TMEM232: variants seen among roughly 807,000 people sequenced by gnomAD.
TMEM232 encodes the protein transmembrane protein 232.
TMEM232 carries 80 observed loss-of-function variants against 78.8 expected under a neutral mutation model. The observed-to-expected ratio is 1.01, with a 90% confidence interval of 0.85 to 1.22. TMEM232 has a LOEUF of 1.22. Among genes scored for constraint, TMEM232 ranks in the 50% most tolerant of loss-of-function variants. The pLI, the probability that TMEM232 is intolerant of heterozygous loss-of-function variation, is 0.00. For synonymous variants in TMEM232, 297 were observed against 254.3 expected, an observed-to-expected ratio of 1.17 and a Z score of -1.60; for missense variants, 881 against 742.2, an observed-to-expected ratio of 1.19 and a Z score of -2.17.
At chr5:110,687,668 A>C (rs1370550693) in intron 1 of TMEM232, among the ~76,000 whole-genome samples, 1 of 151,914 alleles carries the variant, frequency 6.6e-6, no homozygotes, top group African/African-American at 2.4e-5. Context: ...TACAAAGTCA[A>C]ATTTTCTCTT....
At chr5:110,588,466 A>C (rs1779117383) in intron 10 of TMEM232, among the ~76,000 whole-genome samples, 1 of 152,138 alleles carries the variant, frequency 6.6e-6, no homozygotes, top group Non-Finnish European at 1.5e-5. Flanking sequence ...TATGGAAAAC[A>C]TGTTTTTCAT....
intron 10 of TMEM232, among the ~76,000 whole-genome samples, chr5:110,571,192 TG>T (rs1208071481): frequency 6.6e-6 from 1 of 152,044 alleles, no homozygotes; most frequent in South Asian, 2.1e-4. Flanking sequence ...TATAAACTAC[TG>T]GAGAAGAGAG....
chr5:110,660,258 A>G (rs1405883540), intron 2 of TMEM232, among the ~76,000 whole-genome samples: 1 of 152,142 alleles, frequency 6.6e-6, no homozygotes. Flanking sequence ...GAAAACTGTA[A>G]GAGAGTGAAA....
At chr5:110,447,725 A>T (rs941613686) in intron 12 of TMEM232, among the ~76,000 whole-genome samples, 1 of 152,154 alleles carries the variant, frequency 6.6e-6, no homozygotes, top group Non-Finnish European at 1.5e-5. Flanking sequence ...TCAGAGGAAA[A>T]AAAGATTTGA....
At chr5:110,543,811 A>G (rs941038338) in intron 11 of TMEM232, among the ~76,000 whole-genome samples, 1 of 152,162 alleles carries the variant, frequency 6.6e-6, no homozygotes, top group Non-Finnish European at 1.5e-5. Context: ...GTTTGGTTAT[A>G]ACATAACTTT....
intron 11 of TMEM232, among the ~76,000 whole-genome samples, chr5:110,544,459 A>G (rs891805631): frequency 5.9e-4 from 88 of 148,682 alleles, no homozygotes; most frequent in African/African-American, 2.1e-3. Context: ...AAAAAAAAAA[A>G]GCCTTTACAA....
chr5:110,501,161 CT>C (rs1167105277), intron 12 of TMEM232, among the ~76,000 whole-genome samples: 1 of 152,174 alleles, frequency 6.6e-6, no homozygotes, highest in Non-Finnish European at 1.5e-5. Context: ...GGTCCAAACA[CT>C]TTTTACTTTC....
chr5:110,421,716 A>C (rs1224355168), intron 13 of TMEM232, among the ~76,000 whole-genome samples: 1 of 152,182 alleles, frequency 6.6e-6, no homozygotes, highest in South Asian at 2.1e-4. Context: ...TGGGATATTC[A>C]GATAATAAAA....
intron 1 of TMEM232, among the ~76,000 whole-genome samples, chr5:110,682,757 C>G (rs1190087990): frequency 6.6e-6 from 1 of 152,008 alleles, no homozygotes; most frequent in Non-Finnish European, 1.5e-5. Context: ...CAAGAATATC[C>G]CAGTAGACAA....
chr5:110,424,016 G>A (rs569898801), intron 13 of TMEM232, among the ~76,000 whole-genome samples: 1 of 152,076 alleles, frequency 6.6e-6, no homozygotes, highest in South Asian at 2.1e-4. Flanking sequence ...GTCATTTCAA[G>A]GTATCAGTCA....
chr5:110,479,244 CAT>C, intron 12 of TMEM232, among the ~76,000 whole-genome samples: 1 of 151,684 alleles, frequency 6.6e-6, no homozygotes, highest in East Asian at 1.9e-4. Context: ...CATATAAAAA[CAT>C]AGAAAAAATT....
chr5:110,524,035 C>T (rs1250675532), intron 12 of TMEM232, among the ~76,000 whole-genome samples: 3 of 146,630 alleles, frequency 2.0e-5, no homozygotes, highest in Admixed American at 6.8e-5. Flanking sequence ...GAGGCTGAGG[C>T]GGGTGGATCA....
chr5:110,662,831 CAT>C (rs1040382030), intron 2 of TMEM232, among the ~76,000 whole-genome samples: 1 of 151,886 alleles, frequency 6.6e-6, no homozygotes, highest in African/African-American at 2.4e-5. Context: ...AAAATTTCCA[CAT>C]AGATTATAGA....
chr5:110,618,282 T>C, intron 8 of TMEM232, 147 bp downstream of exon 8: 2 of 981,130 alleles, frequency 2.0e-6, no homozygotes, highest in South Asian at 1.7e-5. Flanking sequence ...ACTAAACATG[T>C]AAATTGCCAT....
At chr5:110,422,709 C>G (rs1159397874) in intron 13 of TMEM232, among the ~76,000 whole-genome samples, 1 of 152,024 alleles carries the variant, frequency 6.6e-6, no homozygotes, top group Admixed American at 6.6e-5. Context: ...CTCTTTCCCC[C>G]TTCTTAGAAT....
At chr5:110,392,355 G>A (rs1441370945) in intron 3 of TMEM232, among the ~76,000 whole-genome samples, 6 of 152,140 alleles carry the variant, frequency 3.9e-5, no homozygotes, top group African/African-American at 4.8e-5. Context: ...CTTGGTAAAC[G>A]GATAAAAATG....
At chr5:110,643,884 G>C (rs143360452) in intron 2 of TMEM232, among the ~76,000 whole-genome samples, 3,232 of 151,974 alleles carry the variant, frequency 0.021, 36 homozygotes, top group Admixed American at 0.026. Flanking sequence ...TCCCAGAACA[G>C]AGCAATTAAT....
intron 12 of TMEM232, among the ~76,000 whole-genome samples, chr5:110,521,800 C>G (rs927517119): frequency 6.6e-6 from 1 of 152,154 alleles, no homozygotes; most frequent in Non-Finnish European, 1.5e-5. Flanking sequence ...TCCCTCTATT[C>G]TGTTTCATTT....
intron 12 of TMEM232, among the ~76,000 whole-genome samples, chr5:110,433,101 A>G (rs1158242933): frequency 6.6e-6 from 1 of 151,704 alleles, no homozygotes; most frequent in African/African-American, 2.4e-5. Flanking sequence ...AAGAAATTAT[A>G]AATTTAAATT....
Sources: gnomAD v4.1 joint callset for allele counts (sites outside exome capture counted in the v4.1 genomes callset) on GRCh38, gnomAD v4.1.1 for gene constraint, MANE v1.5 for transcripts, NCBI Gene and HGNC (gene_info 2026-07-23, HGNC 2026-07-21) for gene names.